Variants in KHDC1 observed in about 807,000 individuals in gnomAD.
The protein encoded by KHDC1 is KH homology domain-containing protein 1.
KHDC1 carries 21 observed loss-of-function variants against 24.7 expected under a neutral mutation model. The ratio of observed to expected loss-of-function variants is 0.85; its 90% CI spans 0.60 to 1.23. The LOEUF (loss-of-function observed/expected upper bound fraction) is 1.23. KHDC1 is among the 50% of genes most tolerant of loss of function. The probability of loss-of-function intolerance (pLI) is 0.00; values close to 1 mark genes in which losing one functional copy is unlikely to be tolerated. For missense variants in KHDC1, 274 were observed against 298.5 expected, an observed-to-expected ratio of 0.92 and a Z score of 0.61; for synonymous variants, 98 against 111.7, an observed-to-expected ratio of 0.88 and a Z score of 0.77.
intron 2 of KHDC1, among the ~76,000 whole-genome samples, chr6:73,285,627 C>CAT (rs1562256321): frequency 2.6e-5 from 4 of 151,354 alleles, no homozygotes; most frequent in African/African-American, 9.7e-5. Context: ...AGTCACTGTG[C>CAT]CCGGCCCATT....
intron 1 of KHDC1, among the ~76,000 whole-genome samples, chr6:73,295,338 A>G (rs1005991543): frequency 2.0e-5 from 3 of 152,176 alleles, no homozygotes; most frequent in Non-Finnish European, 2.9e-5. Context: ...TCGAGAGCCA[A>G]TTAGACCTCT....
At chr6:73,259,433 A>G (rs1485859888) in intron 2 of KHDC1, among the ~76,000 whole-genome samples, 1 of 152,062 alleles carries the variant, frequency 6.6e-6, no homozygotes, top group Non-Finnish European at 1.5e-5. Context: ...AATAACTAGG[A>G]CTACAGCCAT....
exon 5 of KHDC1, chr6:73,241,661 A>C (rs1325917283): frequency 6.2e-7 from 1 of 1,614,180 alleles, no homozygotes; most frequent in Non-Finnish European, 8.5e-7. Context: ...ATGGTGGCAC[A>C]CTAATGGAGG....
intron 1 of KHDC1, among the ~76,000 whole-genome samples, chr6:73,303,639 C>T (rs529085947): frequency 6.6e-6 from 1 of 152,282 alleles, no homozygotes; most frequent in South Asian, 2.1e-4. Flanking sequence ...TAATGTATAG[C>T]TTCAGTCTAA....
At chr6:73,289,420 C>A (rs1263429171) in intron 2 of KHDC1, among the ~76,000 whole-genome samples, 1 of 145,140 alleles carries the variant, frequency 6.9e-6, no homozygotes, top group South Asian at 2.3e-4. Flanking sequence ...GAGGCCAAGG[C>A]GGGTGGATCA....
chr6:73,271,409 A>G (rs1434472628), intron 2 of KHDC1, among the ~76,000 whole-genome samples: 2 of 151,448 alleles, frequency 1.3e-5, no homozygotes, highest in Non-Finnish European at 2.9e-5. Context: ...GGGTTTCACT[A>G]TGTTGGCCAG....
intron 2 of KHDC1, among the ~76,000 whole-genome samples, chr6:73,258,793 G>A (rs1361068029): frequency 6.6e-6 from 1 of 152,210 alleles, no homozygotes; most frequent in Non-Finnish European, 1.5e-5. Context: ...CTAATTCCCA[G>A]CAGTTGCTGG....
At chr6:73,263,379 C>T in intron 2 of KHDC1, 183 bp from the exon 1 acceptor site, 1 of 708,904 alleles carries the variant, frequency 1.4e-6, no homozygotes, top group Non-Finnish European at 1.7e-6. Context: ...TGACCCAGAC[C>T]CGGACGACCC....
chr6:73,266,593 G>C (rs1324691149), intron 2 of KHDC1, among the ~76,000 whole-genome samples: 1 of 152,130 alleles, frequency 6.6e-6, no homozygotes, highest in Non-Finnish European at 1.5e-5. Context: ...AATGTTGTTG[G>C]CCTCCTTACC....
intron 1 of KHDC1, among the ~76,000 whole-genome samples, chr6:73,295,895 A>C (rs1767749615): frequency 1.3e-5 from 2 of 151,104 alleles, no homozygotes; most frequent in South Asian, 4.2e-4. Context: ...TTATCCCAGC[A>C]CTCTGGGAGG....
chr6:73,278,534 T>A (rs1767344987), intron 2 of KHDC1, among the ~76,000 whole-genome samples: 1 of 152,222 alleles, frequency 6.6e-6, no homozygotes, highest in African/African-American at 2.4e-5. Context: ...CCTAGCTCTT[T>A]ATTTTTAATT....
chr6:73,289,649 C>T (rs886676700), intron 2 of KHDC1, among the ~76,000 whole-genome samples: 1 of 148,392 alleles, frequency 6.7e-6, no homozygotes, highest in Non-Finnish European at 1.5e-5. Flanking sequence ...GACCCTGTCT[C>T]ATAACAAACA....
At chr6:73,263,612 G>GT (rs375390310) in intron 2 of KHDC1, among the ~76,000 whole-genome samples, 94 of 3,496 alleles carry the variant, frequency 0.027, no homozygotes, top group African/African-American at 0.04. Flanking sequence ...GTGTCGCGGT[G>GT]GGGGGGGGGG....
chr6:73,302,768 C>A (rs1767899102), intron 1 of KHDC1, among the ~76,000 whole-genome samples: 1 of 152,172 alleles, frequency 6.6e-6, no homozygotes, highest in Non-Finnish European at 1.5e-5. Flanking sequence ...ATATGAGATA[C>A]TATTCAGCCT....
intron 2 of KHDC1, among the ~76,000 whole-genome samples, chr6:73,251,490 A>G (rs1442988960): frequency 6.6e-6 from 1 of 152,252 alleles, no homozygotes; most frequent in African/African-American, 2.4e-5. Context: ...ATAGAAAGCC[A>G]ATCACTGGCC....
intron 2 of KHDC1, among the ~76,000 whole-genome samples, chr6:73,279,365 G>A (rs575808880): frequency 3.3e-5 from 5 of 152,070 alleles, no homozygotes; most frequent in East Asian, 1.9e-4. Context: ...CCAAGATCGC[G>A]CTCCAGCCTA....
In KHDC1 at chr6:73,272,856, C is replaced by CTTTTTT. The variant is rs1158620688; in HGVS notation, c.206+19141_206+19142insAAAAAA. ...ATAATTTTTTCTTTTCTTTTCTTTT[C>CTTTTTT]TTTTTCTTTTTTTTTTTTTGGAGAT... On this transcript the variant is annotated intron_variant, in intron 2 of 4. Coordinates refer to ENST00000370384, the Ensembl canonical transcript of KHDC1. 4.9e-4 allele frequency among the ~76,000 whole-genome samples: 66 copies of CTTTTTT among 135,294 alleles called. 1 individual carries two copies. The highest frequency in any genetic ancestry group is 6.3e-4 in the African/African-American group (21 of 33,088). The allele number at this position is 135,294 out of a possible 152,430, so 88.8% of individuals were successfully genotyped here.
At chr6:73,245,615 G>A (rs1046706627) in intron 2 of KHDC1, among the ~76,000 whole-genome samples, 14 of 152,256 alleles carry the variant, frequency 9.2e-5, no homozygotes, top group African/African-American at 2.4e-4. Flanking sequence ...CTTGGAGAGC[G>A]TTCTCAAATT....
intron 2 of KHDC1, among the ~76,000 whole-genome samples, chr6:73,258,248 C>A (rs1236758034): frequency 6.6e-6 from 1 of 152,214 alleles, no homozygotes; most frequent in African/African-American, 2.4e-5. Flanking sequence ...GAGCGAGACT[C>A]CGTCTCTAAA....
Sources: gnomAD v4.1 joint callset for allele counts (sites outside exome capture counted in the v4.1 genomes callset) on GRCh38, gnomAD v4.1.1 for gene constraint, MANE v1.5 for transcripts, NCBI Gene and HGNC (gene_info 2026-07-23, HGNC 2026-07-21) for gene names.